Variants in TNFAIP8 observed in about 807,000 individuals in gnomAD.
TNFAIP8 encodes the protein TNF alpha induced protein 8.
In TNFAIP8, 7 loss-of-function variants were observed where a neutral mutation model predicts 13.3. That is an observed-to-expected ratio of 0.52 (90% CI 0.30 to 0.99). The LOEUF is 0.99. TNFAIP8 is among the 50% of genes least tolerant of loss of function. The pLI is 0.07. For synonymous variants in TNFAIP8, 94 were observed against 87.6 expected (o/e 1.07, Z -0.41); for missense variants, 258 against 236.9 (o/e 1.09, Z -0.58).
At chr5:119,374,802 A>C (rs77384170) in intron 1 of TNFAIP8, among the ~76,000 whole-genome samples, 27,112 of 152,150 alleles carry the variant, frequency 0.18, 2,821 homozygotes, top group Non-Finnish European at 0.22. Flanking sequence ...CAGTATTGCC[A>C]GAAGGTCAGA....
At chr5:119,339,847 A>G (rs922435897) in intron 1 of TNFAIP8, among the ~76,000 whole-genome samples, 1 of 152,230 alleles carries the variant, frequency 6.6e-6, no homozygotes, top group African/African-American at 2.4e-5. Context: ...CTTACATTTC[A>G]TAACTATGAC....
chr5:119,285,528 C>A (rs2150807243), intron 1 of TNFAIP8, among the ~76,000 whole-genome samples: 1 of 152,274 alleles, frequency 6.6e-6, no homozygotes, highest in South Asian at 2.1e-4. Context: ...AAAATGTTGC[C>A]TTGAGATAAT....
intron 1 of TNFAIP8, among the ~76,000 whole-genome samples, chr5:119,347,408 T>A (rs74802488): frequency 8.5e-5 from 13 of 152,328 alleles, no homozygotes; most frequent in Non-Finnish European, 1.5e-4. Flanking sequence ...AGTAGTAAAA[T>A]GTCTGTTGAA....
chr5:119,350,950 A>ATT (rs1472273521), intron 1 of TNFAIP8, among the ~76,000 whole-genome samples: 2 of 73,278 alleles, frequency 2.7e-5, no homozygotes, highest in African/African-American at 1.7e-4. Flanking sequence ...CTCTATGTGT[A>ATT]TTTGTGTGTG....
intron 1 of TNFAIP8, among the ~76,000 whole-genome samples, chr5:119,363,663 G>T (rs1751716865): frequency 6.6e-6 from 1 of 152,250 alleles, no homozygotes; most frequent in Non-Finnish European, 1.5e-5. Context: ...GACACCGAAT[G>T]TGAGAGGGTC....
intron 1 of TNFAIP8, 93 bp from the exon 2 acceptor site, chr5:119,392,723 A>C: frequency 1.5e-6 from 2 of 1,351,204 alleles, no homozygotes; most frequent in Non-Finnish European, 2.0e-6. Context: ...GAAAATGAGG[A>C]AAAAAAGTGC....
At chr5:119,309,625 G>A (rs17145135) in intron 1 of TNFAIP8, among the ~76,000 whole-genome samples, 13,788 of 152,198 alleles carry the variant, frequency 0.091, 898 homozygotes, top group African/African-American at 0.19. Flanking sequence ...GCACGTGATC[G>A]AAGCATCGGT....
intron 1 of TNFAIP8, among the ~76,000 whole-genome samples, chr5:119,388,340 CAAA>C (rs1752757486): frequency 6.6e-6 from 1 of 152,150 alleles, no homozygotes; most frequent in Admixed American, 6.6e-5. Context: ...ATACAACAAA[CAAA>C]AACACCCACT....
chr5:119,343,557 A>T (rs1279927714), intron 1 of TNFAIP8, among the ~76,000 whole-genome samples: 1 of 152,236 alleles, frequency 6.6e-6, no homozygotes. Flanking sequence ...AAATTATTAA[A>T]TGATTATTTT....
intron 1 of TNFAIP8, among the ~76,000 whole-genome samples, chr5:119,289,215 A>T (rs1413300286): frequency 6.6e-6 from 1 of 152,236 alleles, no homozygotes; most frequent in African/African-American, 2.4e-5. Context: ...TCGCAAAGGG[A>T]TACTTATCAG....
chr5:119,376,763 T>C (rs866687996), intron 1 of TNFAIP8, among the ~76,000 whole-genome samples: 3 of 152,126 alleles, frequency 2.0e-5, no homozygotes, highest in Middle Eastern at 3.2e-3. Flanking sequence ...GATAGAGCAT[T>C]TCTGAATGGA....
chr5:119,283,990 T>C (rs759157309), intron 1 of TNFAIP8, among the ~76,000 whole-genome samples: 1 of 152,188 alleles, frequency 6.6e-6, no homozygotes, highest in Non-Finnish European at 1.5e-5. Context: ...GGTTAGCCCA[T>C]GTATGTGCCA....
upstream of TNFAIP8, chr5:119,354,201 G>A (rs548778063): frequency 6.6e-6 from 1 of 152,316 alleles, no homozygotes; most frequent in African/African-American, 2.4e-5. Flanking sequence ...CAGGATGTGT[G>A]GCAGAGGGGA....
chr5:119,268,991 C>G, intron 1 of TNFAIP8: 1 of 631,626 alleles, frequency 1.6e-6, no homozygotes, highest in Non-Finnish European at 2.8e-6. Context: ...TCTCGGGGAG[C>G]GCCTCCGGCT....
upstream of TNFAIP8, chr5:119,355,077 C>A: frequency 2.0e-6 from 1 of 512,802 alleles, no homozygotes; most frequent in Non-Finnish European, 3.5e-6. Flanking sequence ...CTCCACAGAG[C>A]TAAGGGGACT....
chr5:119,278,819 A>G (rs948519748), intron 1 of TNFAIP8, among the ~76,000 whole-genome samples: 1 of 152,206 alleles, frequency 6.6e-6, no homozygotes, highest in Non-Finnish European at 1.5e-5. Context: ...TGAAAATCAC[A>G]TATACATAAT....
intron 1 of TNFAIP8, among the ~76,000 whole-genome samples, chr5:119,296,945 T>C (rs995364081): frequency 2.6e-5 from 4 of 152,008 alleles, no homozygotes; most frequent in African/African-American, 9.7e-5. Context: ...TGATGGTAGT[T>C]TGTATTTCTG....
At chr5:119,273,813 C>G (rs902779188) in intron 1 of TNFAIP8, among the ~76,000 whole-genome samples, 1 of 152,074 alleles carries the variant, frequency 6.6e-6, no homozygotes, top group Non-Finnish European at 1.5e-5. Context: ...GGATTAGGCA[C>G]CGGGGCAAGG....
intron 1 of TNFAIP8, among the ~76,000 whole-genome samples, chr5:119,324,305 A>G (rs1581604863): frequency 1.7e-5 from 2 of 115,278 alleles, no homozygotes; most frequent in African/African-American, 3.5e-5. Flanking sequence ...AAAAAAAAAA[A>G]AAAAAAAAAG....
Sources: gnomAD v4.1 joint callset for allele counts (sites outside exome capture counted in the v4.1 genomes callset) on GRCh38, gnomAD v4.1.1 for gene constraint, MANE v1.5 for transcripts, NCBI Gene and HGNC (gene_info 2026-07-23, HGNC 2026-07-21) for gene names.